SLC36A4: variants seen among roughly 807,000 people sequenced by gnomAD.
SLC36A4 encodes neutral amino acid uniporter 4.
A neutral mutation model predicts 50.5 loss-of-function variants in SLC36A4; 49 were observed. That is an observed-to-expected ratio of 0.97 (90% CI 0.77 to 1.23). The LOEUF is 1.23. SLC36A4 is among the 50% of genes most tolerant of loss of function. SLC36A4 has a pLI of 0.00. For missense variants in SLC36A4, 611 were observed against 608.4 expected, an observed-to-expected ratio of 1.00 and a Z score of -0.05; for synonymous variants, 207 against 206.5, an observed-to-expected ratio of 1.00 and a Z score of -0.02.
intron 1 of SLC36A4, among the ~76,000 whole-genome samples, chr11:93,191,565 C>T (rs1366496824): frequency 6.6e-6 from 1 of 152,126 alleles, no homozygotes; most frequent in African/African-American, 2.4e-5. Context: ...ACTGTGATGT[C>T]AGATGAAAAG....
chr11:93,181,048 CT>C (rs1861709698), intron 5 of SLC36A4, among the ~76,000 whole-genome samples, 167 bp from the exon 6 acceptor site: 2 of 152,174 alleles, frequency 1.3e-5, no homozygotes, highest in South Asian at 4.1e-4. Flanking sequence ...TCCTGAAAAT[CT>C]CCAGAAAGGC....
chr11:93,190,378 T>C (rs921360987), intron 1 of SLC36A4, among the ~76,000 whole-genome samples: 1 of 152,198 alleles, frequency 6.6e-6, no homozygotes, highest in African/African-American at 2.4e-5. Flanking sequence ...ATTTGAAATG[T>C]TCCCAACACA....
chr11:93,152,225 C>T (rs1198021330), intron 10 of SLC36A4: 1 of 152,106 alleles, frequency 6.6e-6, no homozygotes, highest in Admixed American at 6.6e-5. Flanking sequence ...ACTCTCATTG[C>T]TAGTGCTGCT....
intron 9 of SLC36A4, chr11:93,155,052 G>T (rs1057294480): frequency 1.7e-4 from 26 of 152,136 alleles, no homozygotes; most frequent in African/African-American, 6.3e-4. Flanking sequence ...CCCAGAAAAA[G>T]AAGACTTTTT....
intron 1 of SLC36A4, chr11:93,197,507 C>T: frequency 1.9e-6 from 1 of 519,590 alleles, no homozygotes; most frequent in Non-Finnish European, 3.4e-6. Context: ...CCCACAGGGC[C>T]CCGCCCCACT....
chr11:93,175,303 T>C (rs1365545482), intron 6 of SLC36A4, among the ~76,000 whole-genome samples: 12 of 151,994 alleles, frequency 7.9e-5, no homozygotes, highest in Admixed American at 7.9e-4. Context: ...ATCCCCTTTA[T>C]CATTTTTTAT....
intron 6 of SLC36A4, among the ~76,000 whole-genome samples, chr11:93,172,570 A>T: frequency 6.6e-6 from 1 of 150,552 alleles, no homozygotes; most frequent in South Asian, 2.1e-4. Flanking sequence ...AGCATTAGGT[A>T]TATCTCCCAA....
rs542231560 is a variant in SLC36A4 at position 93,191,027 on chromosome 11, T to C, written c.56-5213A>G. On this transcript the variant is annotated intron_variant, in intron 1 of 10. Transcript: ENST00000326402. ...ACAGCTCTTAAATCTAAAGAGTAAATTGAAAGACACCTAACTAGAAATATC... is the reference window on the plus strand; with the variant it reads ...ACAGCTCTTAAATCTAAAGAGTAAACTGAAAGACACCTAACTAGAAATATC... Among the ~76,000 whole-genome samples the C allele has an allele frequency of 1.8e-4, 27 of 152,254 alleles. 1 individual carries two copies. In the South Asian group the frequency reaches 5.0e-3, roughly 28 times the overall value.
intron 6 of SLC36A4, among the ~76,000 whole-genome samples, chr11:93,178,829 C>G (rs1177543285): frequency 6.6e-6 from 1 of 152,130 alleles, no homozygotes; most frequent in Non-Finnish European, 1.5e-5. Flanking sequence ...CAACATAGTA[C>G]TGGAAGTCCT....
chr11:93,179,273 G>A (rs1590971332), intron 6 of SLC36A4, among the ~76,000 whole-genome samples: 1 of 152,208 alleles, frequency 6.6e-6, no homozygotes, highest in South Asian at 2.1e-4. Flanking sequence ...ACCATACTGG[G>A]TACTGATAAG....
At chr11:93,166,517 C>T in intron 7 of SLC36A4, 1 of 446,368 alleles carries the variant, frequency 2.2e-6, no homozygotes, top group Non-Finnish European at 3.0e-6. Context: ...TTCCTTCTTG[C>T]TTCAGTGCTT....
chr11:93,163,980 C>G (rs1201798780), intron 8 of SLC36A4, among the ~76,000 whole-genome samples: 1 of 152,122 alleles, frequency 6.6e-6, no homozygotes, highest in Non-Finnish European at 1.5e-5. Flanking sequence ...TTCTTACCTT[C>G]TGACACTACA....
intron 6 of SLC36A4, among the ~76,000 whole-genome samples, chr11:93,173,060 C>T (rs1861257293): frequency 1.6e-5 from 2 of 128,282 alleles, no homozygotes; most frequent in African/African-American, 5.9e-5. Flanking sequence ...ACAGTCCCAC[C>T]AACAGTGTAA....
At chr11:93,155,181 T>G (rs1239850598) in intron 9 of SLC36A4, 1 of 152,078 alleles carries the variant, frequency 6.6e-6, no homozygotes, top group African/African-American at 2.4e-5. Context: ...AAAAAAACAT[T>G]TTAATATTTT....
chr11:93,175,427 T>C (rs1338971340), intron 6 of SLC36A4, among the ~76,000 whole-genome samples: 3 of 150,944 alleles, frequency 2.0e-5, no homozygotes, highest in Non-Finnish European at 4.4e-5. Context: ...TTTTGAAGGG[T>C]TTTTTGTGTC....
chr11:93,185,337 CAA>C (rs981692596), intron 2 of SLC36A4: 3 of 165,602 alleles, frequency 1.8e-5, no homozygotes, highest in Admixed American at 6.4e-5. Context: ...AAAAGGTTTT[CAA>C]AAGTTACAAT....
intron 6 of SLC36A4, among the ~76,000 whole-genome samples, chr11:93,180,562 CAT>C (rs148659852): frequency 0.041 from 6,304 of 152,076 alleles, 183 homozygotes; most frequent in South Asian, 0.098. Flanking sequence ...TAAATTATGT[CAT>C]ATTCTGATCT....
intron 7 of SLC36A4, chr11:93,167,475 G>C (rs974191996): frequency 6.6e-6 from 1 of 152,414 alleles, no homozygotes; most frequent in Non-Finnish European, 1.5e-5. Flanking sequence ...GAAATCAGTT[G>C]ATGTTATTGC....
intron 1 of SLC36A4, among the ~76,000 whole-genome samples, chr11:93,191,207 A>G (rs1255270134): frequency 6.6e-6 from 1 of 152,196 alleles, no homozygotes; most frequent in Non-Finnish European, 1.5e-5. Flanking sequence ...GCTAAATTGT[A>G]TTTTTGTTTC....
Sources: gnomAD v4.1 joint callset for allele counts (sites outside exome capture counted in the v4.1 genomes callset) on GRCh38, gnomAD v4.1.1 for gene constraint, MANE v1.5 for transcripts, NCBI Gene and HGNC (gene_info 2026-07-23, HGNC 2026-07-21) for gene names.